The following GPHN variants were observed in gnomAD, a reference collection of about 807,000 sequenced individuals.
GPHN encodes gephyrin.
In GPHN, 17 loss-of-function variants were observed where a neutral mutation model predicts 95.5. The ratio of observed to expected loss-of-function variants is 0.18; its 90% confidence interval spans 0.12 to 0.27. The LOEUF is 0.27. Ranked by LOEUF, GPHN falls within the 10% of genes least tolerant of loss-of-function variation. The pLI, the probability that GPHN is intolerant of heterozygous loss-of-function variation, is 1.00. For missense variants in GPHN, 660 were observed against 978.1 expected (o/e 0.67, Z 4.34); for synonymous variants, 320 against 322.5 (o/e 0.99, Z 0.08).
chr14:67,578,147 A>G, the GPHN span: 1 of 1,613,912 alleles, frequency 6.2e-7, no homozygotes, highest in Non-Finnish European at 8.5e-7. The surrounding 1 kb of genome is among the most constrained non-coding windows in gnomAD (Gnocchi z 5.0). Flanking sequence ...ATCTACTGCC[A>G]ACTCATGAAG....
chr14:67,729,437 T>C, the GPHN span: 3 of 1,535,914 alleles, frequency 2.0e-6, no homozygotes, highest in East Asian at 6.7e-5. Flanking sequence ...GGTGCCGGAC[T>C]CGCTGGGCTG....
chr14:66,761,120 A>C, intron 2 of GPHN: 1 of 359,314 alleles, frequency 2.8e-6, no homozygotes, highest in South Asian at 2.3e-5. Flanking sequence ...CACTTAAATG[A>C]AAAGTGATTA....
the GPHN span, among the ~76,000 whole-genome samples, chr14:67,636,974 C>A: frequency 2.0e-5 from 3 of 152,200 alleles, no homozygotes. Context: ...AAAGTTCCCA[C>A]AGGCATAACA....
At chr14:67,578,663 T>A in the GPHN span, 1 of 1,340,448 alleles carries the variant, frequency 7.5e-7, no homozygotes, top group South Asian at 1.2e-5. The surrounding 1 kb of genome is among the most constrained non-coding windows in gnomAD (Gnocchi z 5.0). Flanking sequence ...CTCTGCCACT[T>A]GAGCACTGCC....
At chr14:67,060,203 A>T (rs1043572367) in intron 11 of GPHN, among the ~76,000 whole-genome samples, 27 of 135,532 alleles carry the variant, frequency 2.0e-4, no homozygotes, top group African/African-American at 5.5e-4. Context: ...ATTCTAATTT[A>T]AAAAAAAAAA....
rs77661931 is a variant in GPHN at position 66,844,809 on chromosome 14, C to T, written c.294+20243C>T. Among the ~76,000 whole-genome samples, 1,426 of 152,154 alleles carry T rather than the reference C, an allele frequency of 9.4e-3. 25 individuals are homozygous for T. Among genetic ancestry groups the T allele is most frequent in the African/African-American group, 0.032 (1,338 of 41,510 alleles). On this transcript the variant is annotated intron_variant, in intron 4 of 22. Coordinates refer to ENST00000478722, the MANE Select transcript of GPHN (RefSeq NM_020806.5). ...TAGCACATTCACAGTTTTGTGCAAC[C>T]GTCACCACTGTTTCTAGAACTTTTA...
At chr14:66,822,350 T>G (rs1193754547) in intron 3 of GPHN, among the ~76,000 whole-genome samples, 1 of 152,214 alleles carries the variant, frequency 6.6e-6, no homozygotes, top group Non-Finnish European at 1.5e-5. Flanking sequence ...ACTAGTAGTT[T>G]TCAGTTGCTG....
chr14:67,451,755 C>A, the GPHN span, among the ~76,000 whole-genome samples: 3 of 152,136 alleles, frequency 2.0e-5, no homozygotes, highest in Non-Finnish European at 4.4e-5. Flanking sequence ...AGACTTTGGA[C>A]TGTGGACTTT....
the GPHN span, chr14:67,241,121 G>C: frequency 1.3e-5 from 2 of 152,246 alleles, no homozygotes; most frequent in Non-Finnish European, 2.9e-5. Flanking sequence ...TTTAGACTTA[G>C]AGGCGCGCGA....
At chr14:67,392,482 T>C in the GPHN span, 1 of 1,398,200 alleles carries the variant, frequency 7.2e-7, no homozygotes, top group Admixed American at 1.7e-5. Context: ...AGGCCCAGGC[T>C]ATGGCGGCTG....
At chr14:67,579,504 TA>T in the GPHN span, 2 of 655,014 alleles carry the variant, frequency 3.1e-6, no homozygotes. Context: ...AGATTGTTGG[TA>T]AAGGAGGGAC....
At chr14:66,950,811 T>TC (rs1195435919) in intron 8 of GPHN, among the ~76,000 whole-genome samples, 2 of 152,062 alleles carry the variant, frequency 1.3e-5, no homozygotes, top group Non-Finnish European at 2.9e-5. Context: ...ACCCTCACAC[T>TC]CCCCCAAAAG....
chr14:67,279,034 CT>C, the GPHN span: 1 of 775,246 alleles, frequency 1.3e-6, no homozygotes, highest in Non-Finnish European at 1.9e-6. Context: ...TTCATGGATA[CT>C]TTTTCATAGC....
chr14:67,109,030 A>G (rs571549313), intron 13 of GPHN, among the ~76,000 whole-genome samples: 1 of 152,296 alleles, frequency 6.6e-6, no homozygotes, highest in South Asian at 2.1e-4. Flanking sequence ...CTACACACCT[A>G]GCCTACATGG....
intron 4 of GPHN, among the ~76,000 whole-genome samples, chr14:66,870,175 G>T (rs1429996662): frequency 6.6e-6 from 1 of 152,184 alleles, no homozygotes; most frequent in Non-Finnish European, 1.5e-5. Context: ...ACGTGAGAAA[G>T]ACTGTGTTTG....
the GPHN span, among the ~76,000 whole-genome samples, chr14:67,390,320 TG>T: frequency 6.6e-6 from 1 of 152,092 alleles, no homozygotes; most frequent in African/African-American, 2.4e-5. Flanking sequence ...GTGGAGAGGC[TG>T]GGAAGTGCCA....
chr14:67,450,720 A>G, the GPHN span, among the ~76,000 whole-genome samples: 4 of 152,234 alleles, frequency 2.6e-5, no homozygotes, highest in African/African-American at 9.6e-5. Context: ...TCAGTTTTAT[A>G]AGGGAAGCAG....
At chr14:67,600,087 A>C in the GPHN span, 4 of 1,593,902 alleles carry the variant, frequency 2.5e-6, no homozygotes, top group Admixed American at 5.2e-5. Flanking sequence ...CGGTGAGCGA[A>C]CGCAGCGAGA....
intron 20 of GPHN, among the ~76,000 whole-genome samples, chr14:67,166,191 T>C (rs1567436215): frequency 6.6e-6 from 1 of 152,194 alleles, no homozygotes; most frequent in Non-Finnish European, 1.5e-5. Context: ...ATAAAAGAGA[T>C]TAGATTTCTA....
Sources: gnomAD v4.1 joint callset for allele counts (sites outside exome capture counted in the v4.1 genomes callset) on GRCh38, gnomAD v4.1.1 for gene constraint, Gnocchi (gnomAD v3.1) non-coding constraint, MANE v1.5 for transcripts, NCBI Gene and HGNC (gene_info 2026-07-23, HGNC 2026-07-21) for gene names.